The following P2RX7 variants were observed in gnomAD, a reference collection of about 807,000 sequenced individuals.
The protein encoded by P2RX7 is purinergic receptor P2X 7.
A neutral mutation model predicts 71.6 loss-of-function variants in P2RX7; 62 were observed. That is an observed-to-expected ratio of 0.87 (90% CI 0.71 to 1.07). The LOEUF is 1.07. Ranked by LOEUF, P2RX7 falls within the 50% of genes least tolerant of loss-of-function variation. The pLI, the probability that P2RX7 is intolerant of heterozygous loss-of-function variation, is 0.00. For synonymous variants in P2RX7, 299 were observed against 283.3 expected (o/e 1.06, Z -0.56); for missense variants, 686 against 748.5 (o/e 0.92, Z 0.97).
Position 121,184,476 on chromosome 12 carries a change from CCT to C in P2RX7, c.1463_1464del (p.Pro488ArgfsTer77). On this transcript the variant is annotated frameshift_variant, in exon 13 of 13. Transcript: ENST00000328963. LOFTEE classifies it high-confidence loss of function. The part of the protein sequence containing the change: ...QCGSCLPSQL[P>X]ESHRCLEELC... The stretch of plus-strand genomic sequence containing the variant: ...TGGAAGCTGCCTCCCATCTCAACTC[CCT>C]GAGAGCCACAGGTGCCTGGAGGAGC... The C allele has an allele frequency of 6.2e-7, 1 of 1,614,172 alleles. No homozygotes were observed. Among genetic ancestry groups the C allele is most frequent in the South Asian group, 1.1e-5 (1 of 91,086 alleles).
In P2RX7 at chr12:121,154,941, C is replaced by T. The variant is rs1878255555; in HGVS notation, c.282C>T (p.Thr94=). The T allele has an allele frequency of 6.2e-7, 1 of 1,614,160 alleles. No individual in the cohort carries two copies. Among genetic ancestry groups the T allele is most frequent in the Non-Finnish European group, 8.5e-7 (1 of 1,179,998 alleles). The change falls in exon 2 of 13, where the codon ACC becomes ACT. Residue 94 remains threonine (T), a synonymous_variant. Coordinates refer to ENST00000328963, the MANE Select transcript of P2RX7 (RefSeq NM_002562.6). The surrounding 1 kb of genome is among the most constrained non-coding windows in gnomAD (Gnocchi z 4.2). The part of the protein sequence containing the change: ...VHSVFDTADY[T]FPLQGNSFFV... Reference sequence around the variant, plus strand: ...GTGTCTTTGACACCGCAGACTACACCTTCCCTTTGCAGGTGAGCACCTCGT... The same window carrying T: ...GTGTCTTTGACACCGCAGACTACACTTTCCCTTTGCAGGTGAGCACCTCGT...
intron 1 of P2RX7, among the ~76,000 whole-genome samples, chr12:121,152,751 C>T (rs1877712210): frequency 6.6e-6 from 1 of 152,248 alleles, no homozygotes; most frequent in Admixed American, 6.5e-5. Context: ...CTCCTGACCT[C>T]AGGTGATCCA....
intron 1 of P2RX7, among the ~76,000 whole-genome samples, chr12:121,133,912 C>G (rs988597828): frequency 3.9e-5 from 6 of 151,948 alleles, no homozygotes; most frequent in African/African-American, 1.5e-4. Flanking sequence ...TTTAAAGAGA[C>G]GGGGTCTCAC....
intron 1 of P2RX7, among the ~76,000 whole-genome samples, chr12:121,138,940 G>T (rs1874266431): frequency 6.6e-6 from 1 of 152,148 alleles, no homozygotes. Context: ...CCACTTTGGA[G>T]AATTCTTTTT....
intron 8 of P2RX7, among the ~76,000 whole-genome samples, chr12:121,173,465 C>T (rs1206371026): frequency 3.3e-5 from 5 of 152,140 alleles, no homozygotes; most frequent in Non-Finnish European, 5.9e-5. Context: ...GGATTACAGG[C>T]GTGAGCCATT....
intron 8 of P2RX7, among the ~76,000 whole-genome samples, chr12:121,172,232 G>C (rs112108667): frequency 0.032 from 4,817 of 152,226 alleles, 253 homozygotes; most frequent in African/African-American, 0.11. Context: ...AAATTCACGT[G>C]CTTACTACAC....
rs1343158052 is a variant in P2RX7 at position 121,184,756 on chromosome 12, T to C, written c.1742T>C (p.Phe581Ser). The C allele has an allele frequency of 1.9e-6, 3 of 1,553,584 alleles. No individual in the cohort carries two copies. Among genetic ancestry groups the C allele is most frequent in the Non-Finnish European group, 2.6e-6 (3 of 1,148,208 alleles). Residue 581 changes from phenylalanine (F) to serine (S), a missense_variant, in exon 13 of 13, where the codon TTT becomes TCT. Phe to Ser is a radical substitution (Grantham distance 155, BLOSUM62 -2). Coordinates refer to ENST00000328963, the MANE Select transcript of P2RX7 (RefSeq NM_002562.6). ...SCCRWRIRKE[F>S]PKSEGQYSGF... ...TGCCGCTGGAGGATCCGGAAAGAGT[T>C]TCCGAAGAGTGAAGGGCAGTACAGT...
chr12:121,137,883 G>A (rs1874027358), intron 1 of P2RX7, among the ~76,000 whole-genome samples: 1 of 152,228 alleles, frequency 6.6e-6, no homozygotes, highest in African/African-American at 2.4e-5. Flanking sequence ...TAAGAGCCAG[G>A]ATAAGGAGAC....
chr12:121,148,212 A>ATTTATTTATTTT (rs1876639765), intron 1 of P2RX7, among the ~76,000 whole-genome samples: 2 of 149,764 alleles, frequency 1.3e-5, no homozygotes, highest in African/African-American at 2.5e-5. Flanking sequence ...TTATTTATTT[A>ATTTATTTATTTT]TTTATTTATT....
chr12:121,170,305 T>C (rs1881923535), intron 8 of P2RX7, among the ~76,000 whole-genome samples: 1 of 152,112 alleles, frequency 6.6e-6, no homozygotes, highest in Non-Finnish European at 1.5e-5. Context: ...AGTGTACCAA[T>C]CAGGTGTCAG....
chr12:121,177,251 T>C (rs759608904), intron 10 of P2RX7, 39 bp downstream of exon 10: 6 of 1,614,232 alleles, frequency 3.7e-6, no homozygotes, highest in Non-Finnish European at 5.1e-6. Context: ...GAAAATGGTT[T>C]GGAGAAGGAA....
intron 5 of P2RX7, among the ~76,000 whole-genome samples, chr12:121,163,963 C>T (rs1880463853): frequency 6.6e-6 from 1 of 152,098 alleles, no homozygotes; most frequent in East Asian, 1.9e-4. Flanking sequence ...AGCATCACCC[C>T]TTATGATTCT....
At chr12:121,146,670 G>A (rs1876279568) in intron 1 of P2RX7, among the ~76,000 whole-genome samples, 1 of 152,154 alleles carries the variant, frequency 6.6e-6, no homozygotes, top group Middle Eastern at 3.2e-3. Flanking sequence ...TGTGATTTGG[G>A]AAAATGAACT....
At chr12:121,138,778 C>T (rs1430989739) in intron 1 of P2RX7, among the ~76,000 whole-genome samples, 3 of 152,214 alleles carry the variant, frequency 2.0e-5, no homozygotes, top group Non-Finnish European at 2.9e-5. Context: ...ATTCTTACCT[C>T]GGCCCCTTCC....
intron 1 of P2RX7, among the ~76,000 whole-genome samples, chr12:121,147,230 G>A (rs1051954847): frequency 2.0e-5 from 3 of 152,188 alleles, no homozygotes; most frequent in Non-Finnish European, 2.9e-5. Context: ...TTTACCATGT[G>A]ACCTTGGACA....
chr12:121,163,327 T>TACACACACACACACAC (rs113687409), intron 5 of P2RX7, among the ~76,000 whole-genome samples: 2 of 145,198 alleles, frequency 1.4e-5, no homozygotes, highest in Admixed American at 1.4e-4. Context: ...ATGCCTGGCT[T>TACACACACACACACAC]ACACACACAC....
chr12:121,146,287 C>CTTTTT (rs35415599), intron 1 of P2RX7, among the ~76,000 whole-genome samples: 5 of 80,482 alleles, frequency 6.2e-5, no homozygotes, highest in Non-Finnish European at 1.1e-4. Flanking sequence ...TCAAGCCTCT[C>CTTTTT]TTTTTTTTTT....
intron 12 of P2RX7, among the ~76,000 whole-genome samples, chr12:121,182,465 A>C (rs1347744359): frequency 6.6e-6 from 1 of 152,228 alleles, no homozygotes; most frequent in Non-Finnish European, 1.5e-5. Context: ...TATTATACTT[A>C]GGTTATATGG....
intron 1 of P2RX7, among the ~76,000 whole-genome samples, chr12:121,152,978 G>GT (rs1217627676): frequency 1.3e-5 from 2 of 152,352 alleles, no homozygotes; most frequent in East Asian, 3.9e-4. Flanking sequence ...GGGCACAAAT[G>GT]TAAGAGTTTT....
Sources: allele counts gnomAD v4.1 joint callset (sites outside exome capture counted in the v4.1 genomes callset), GRCh38; gene constraint gnomAD v4.1.1; non-coding constraint Gnocchi (gnomAD v3.1); transcripts MANE v1.5; gene names NCBI Gene and HGNC (gene_info 2026-07-23, HGNC 2026-07-21).